Variants in CHID1 observed in about 807,000 individuals in gnomAD.
CHID1 encodes the protein chitinase domain containing 1.
A neutral mutation model predicts 55.4 loss-of-function variants in CHID1; 44 were observed. The observed-to-expected ratio is 0.79, with a 90% CI of 0.62 to 1.02. CHID1 has a LOEUF of 1.02. Ranked by LOEUF, CHID1 falls within the 50% of genes least tolerant of loss-of-function variation. The pLI is 0.00. For synonymous variants in CHID1, 216 were observed against 212.9 expected (o/e 1.01, Z -0.13); for missense variants, 491 against 515.3 (o/e 0.95, Z 0.46).
At chr11:870,301 G>C in intron 11 of CHID1, 118 bp downstream of exon 11, 1 of 1,367,330 alleles carries the variant, frequency 7.3e-7, no homozygotes, top group Non-Finnish European at 1.0e-6. Context: ...AGGGCCGGGA[G>C]CAGCAAGTGA....
At chr11:872,004 G>A (rs372198338) in intron 10 of CHID1, among the ~76,000 whole-genome samples, 1 of 152,192 alleles carries the variant, frequency 6.6e-6, no homozygotes. Flanking sequence ...CACCCCCCCA[G>A]CAGTGCTCGA....
At chr11:910,439 C>A (rs542551265) in intron 1 of CHID1, among the ~76,000 whole-genome samples, 2 of 152,334 alleles carry the variant, frequency 1.3e-5, no homozygotes, top group East Asian at 3.9e-4. Context: ...GCCCCTTCCA[C>A]CCAGCGCGCC....
intron 1 of CHID1, chr11:908,493 G>T: frequency 1.3e-6 from 1 of 785,268 alleles, no homozygotes; most frequent in Non-Finnish European, 1.5e-6. Context: ...CAGGGAAGGT[G>T]GGGAGGGTTC....
upstream of CHID1, chr11:911,007 A>G (rs1343724533): frequency 6.2e-6 from 1 of 161,696 alleles, no homozygotes; most frequent in African/African-American, 2.4e-5. Context: ...CGGCGCGTTC[A>G]CCTTGAGCGC....
At chr11:897,779 G>A (rs1589879900) in intron 7 of CHID1, among the ~76,000 whole-genome samples, 1 of 152,346 alleles carries the variant, frequency 6.6e-6, no homozygotes, top group African/African-American at 2.4e-5. Flanking sequence ...CACACTGAGG[G>A]GTGCTGGCTG....
upstream of CHID1, among the ~76,000 whole-genome samples, chr11:912,095 G>T (rs988227130): frequency 2.0e-5 from 3 of 152,212 alleles, no homozygotes; most frequent in Admixed American, 6.5e-5. Context: ...GCCAAGGCGG[G>T]TAGATCACTT....
At chr11:888,002 A>G (rs1406644332) in intron 8 of CHID1, among the ~76,000 whole-genome samples, 2 of 152,204 alleles carry the variant, frequency 1.3e-5, no homozygotes, top group East Asian at 3.8e-4. Flanking sequence ...CAGCTCCACG[A>G]CATCCCCAAG....
chr11:913,148 C>G (rs546824740), upstream of CHID1, among the ~76,000 whole-genome samples: 34 of 150,162 alleles, frequency 2.3e-4, no homozygotes, highest in East Asian at 3.9e-3. Flanking sequence ...ATTGCCCCCC[C>G]CCGCAAAAAA....
rs570735805 is a variant in CHID1, at chr11:870,103, G to C, written c.1083+18C>G. 6.2e-7 allele frequency: 1 copy of C among 1,612,826 alleles called. No individual in the cohort carries two copies. Among genetic ancestry groups the C allele is most frequent in the East Asian group, 2.2e-5 (1 of 44,872 alleles). On this transcript the variant is annotated intron_variant, in intron 12 of 12. Transcript: ENST00000323578. Reference sequence around the variant, plus strand: ...TGGCCCACCCCTCCCCCGGTCCCACGGCTGGCAGCACACGCACCTTCAGGG... The same window carrying C: ...TGGCCCACCCCTCCCCCGGTCCCACCGCTGGCAGCACACGCACCTTCAGGG...
chr11:910,879 A>C (rs1852629357), upstream of CHID1: 1 of 1,055,522 alleles, frequency 9.5e-7, no homozygotes, highest in Non-Finnish European at 1.2e-6. Context: ...CGCGCACGGC[A>C]CGCTGGGATG....
intron 7 of CHID1, among the ~76,000 whole-genome samples, chr11:895,871 GGCAGCTCCCGACCTTCCT>G (rs1329231343): frequency 1.3e-5 from 2 of 152,082 alleles, no homozygotes; most frequent in Non-Finnish European, 1.5e-5. Context: ...CTGCCATGCT[GGCAGCTCCCGACCTTCCT>G]GCAGCTCCCC....
Position 903,086 on chromosome 11 carries a change from T to G in CHID1, c.137A>C (p.Gln46Pro). The G allele has an allele frequency of 6.2e-7, 1 of 1,612,480 alleles. No individual in the cohort carries two copies. The highest frequency in any genetic ancestry group is 8.5e-7 in the Non-Finnish European group (1 of 1,180,000). Residue 46 changes from glutamine to proline, a missense_variant, in exon 3 of 13, where the codon CAA becomes CCA. Transcript: ENST00000323578. ...GTCCGTCACCACCAAACCCCGGTCT[T>G]GCACCGGCTTATCTGAAAACTGACT... Reference protein sequence around the residue: ...EKSQFSDKPVQDRGLVVTDLK... With the variant: ...EKSQFSDKPVPDRGLVVTDLK...
intron 8 of CHID1, among the ~76,000 whole-genome samples, chr11:889,258 C>T (rs939776586): frequency 2.6e-5 from 4 of 152,224 alleles, no homozygotes; most frequent in Non-Finnish European, 2.9e-5. Context: ...ACGACTCTCA[C>T]GTTCTACCTG....
chr11:890,349 G>A (rs1325577584), intron 8 of CHID1, among the ~76,000 whole-genome samples: 3 of 152,240 alleles, frequency 2.0e-5, no homozygotes, highest in Admixed American at 6.5e-5. Context: ...CTGGGGATAC[G>A]GTGACGGCGC....
intron 3 of CHID1, among the ~76,000 whole-genome samples, chr11:902,549 G>A (rs1170925388): frequency 1.3e-5 from 2 of 152,192 alleles, no homozygotes; most frequent in South Asian, 2.1e-4. Flanking sequence ...TTCACCAAAA[G>A]TGACTGGTGC....
intron 7 of CHID1, among the ~76,000 whole-genome samples, chr11:894,004 C>G (rs1851055753): frequency 6.6e-6 from 1 of 151,780 alleles, no homozygotes; most frequent in Admixed American, 6.6e-5. Context: ...TTCCTGTAAT[C>G]CGAGCTACTC....
chr11:896,442 G>T (rs1851300720), intron 7 of CHID1, among the ~76,000 whole-genome samples: 1 of 124,646 alleles, frequency 8.0e-6, no homozygotes, highest in Admixed American at 8.5e-5. Flanking sequence ...AGCACCCCCA[G>T]CCTCCACCCC....
chr11:910,950 C>A (rs932464502), upstream of CHID1: 13 of 417,882 alleles, frequency 3.1e-5, no homozygotes, highest in Non-Finnish European at 3.5e-5. Context: ...GGGCCGGGGC[C>A]GGGGCCGGGG....
chr11:888,557 G>A (rs564704073), intron 8 of CHID1, among the ~76,000 whole-genome samples: 2 of 152,350 alleles, frequency 1.3e-5, no homozygotes, highest in South Asian at 2.1e-4. Flanking sequence ...CGGATTAGAC[G>A]CAGCGTGACT....
Sources: gnomAD v4.1 joint callset for allele counts (sites outside exome capture counted in the v4.1 genomes callset) on GRCh38, gnomAD v4.1.1 for gene constraint, MANE v1.5 for transcripts, NCBI Gene and HGNC (gene_info 2026-07-23, HGNC 2026-07-21) for gene names.